Variants in RBM27 observed in about 807,000 individuals in gnomAD.
RBM27 encodes the protein RNA binding motif protein 27.
Under a neutral mutation model 135.3 loss-of-function variants are expected in RBM27, and 22 were observed. That is an observed-to-expected ratio of 0.16 (90% CI 0.12 to 0.23). RBM27 has a LOEUF of 0.23. Among genes scored for constraint, RBM27 ranks in the 10% least tolerant of loss-of-function variants. The probability of loss-of-function intolerance (pLI) is 1.00; values close to 1 mark genes in which losing one functional copy is unlikely to be tolerated. For synonymous variants in RBM27, 481 were observed against 442.4 expected, an observed-to-expected ratio of 1.09 and a Z score of -1.10; for missense variants, 1,009 against 1,281.0, an observed-to-expected ratio of 0.79 and a Z score of 3.24.
chr5:146,235,033 AAAATAAATAAATAAATAAAT>A (rs59434635), intron 7 of RBM27, among the ~76,000 whole-genome samples: 4 of 139,462 alleles, frequency 2.9e-5, no homozygotes, highest in Non-Finnish European at 6.1e-5. Flanking sequence ...CCCTGTCTCA[AAAATAAATAAATAAATAAAT>A]AAATAAATAA....
intron 11 of RBM27, among the ~76,000 whole-genome samples, chr5:146,259,922 G>A (rs993919808): frequency 2.2e-5 from 3 of 139,064 alleles, no homozygotes; most frequent in African/African-American, 8.5e-5. Context: ...GCAGTGAGCC[G>A]AGATTGCGCC....
At chr5:146,261,395 G>A in intron 12 of RBM27, 115 bp from the exon 13 acceptor site, 1 of 871,964 alleles carries the variant, frequency 1.1e-6, no homozygotes, top group Non-Finnish European at 1.8e-6. Context: ...TAATGTTGGA[G>A]TTTAGGGCTT....
At chr5:146,250,770 C>CTTTTTTTTTTTTTT (rs58027855) in intron 8 of RBM27, among the ~76,000 whole-genome samples, 5 of 72,646 alleles carry the variant, frequency 6.9e-5, no homozygotes, top group Admixed American at 2.3e-4. Flanking sequence ...TTTTTTTGTC[C>CTTTTTTTTTTTTTT]TTTTTTTTTT....
chr5:146,268,962 T>C (rs1377264557), intron 15 of RBM27, among the ~76,000 whole-genome samples: 1 of 152,214 alleles, frequency 6.6e-6, no homozygotes, highest in Non-Finnish European at 1.5e-5. Flanking sequence ...GACATTCAGG[T>C]CATTCAAGTC....
chr5:146,215,103 G>A (rs1756132894), intron 1 of RBM27, among the ~76,000 whole-genome samples: 1 of 152,156 alleles, frequency 6.6e-6, no homozygotes, highest in Non-Finnish European at 1.5e-5. Context: ...AGGCTGGAGT[G>A]CACTGGCGTG....
At chr5:146,253,694 G>A (rs1297970614) in intron 9 of RBM27, among the ~76,000 whole-genome samples, 2 of 152,158 alleles carry the variant, frequency 1.3e-5, no homozygotes, top group Non-Finnish European at 2.9e-5. Context: ...GCTTCTGGAT[G>A]TTTTGTGCAA....
chr5:146,245,768 A>G (rs1757599789), intron 8 of RBM27, among the ~76,000 whole-genome samples: 1 of 152,164 alleles, frequency 6.6e-6, no homozygotes, highest in Non-Finnish European at 1.5e-5. Flanking sequence ...GCGCATATGA[A>G]GGATCTGAGT....
At chr5:146,236,202 A>T (rs183377583) in intron 7 of RBM27, among the ~76,000 whole-genome samples, 10 of 152,330 alleles carry the variant, frequency 6.6e-5, no homozygotes, top group Non-Finnish European at 1.3e-4. Flanking sequence ...ACAAATAGGA[A>T]AGTTGAAGGA....
intron 1 of RBM27, among the ~76,000 whole-genome samples, chr5:146,212,065 G>A (rs1411893873): frequency 6.6e-6 from 1 of 150,750 alleles, no homozygotes; most frequent in Non-Finnish European, 1.5e-5. Flanking sequence ...TATTGTTCCC[G>A]CCACCCCCGA....
chr5:146,210,683 C>A (rs1241793524), intron 1 of RBM27, among the ~76,000 whole-genome samples: 1 of 152,166 alleles, frequency 6.6e-6, no homozygotes, highest in Non-Finnish European at 1.5e-5. Context: ...CACGGTGGCT[C>A]ATGCCTGTAA....
intron 8 of RBM27, among the ~76,000 whole-genome samples, chr5:146,237,876 C>T (rs551982094): frequency 6.6e-5 from 10 of 152,108 alleles, no homozygotes; most frequent in South Asian, 2.1e-4. Flanking sequence ...TTAGTAGAGA[C>T]GGGGTTTCAC....
intron 8 of RBM27, among the ~76,000 whole-genome samples, chr5:146,243,857 A>G (rs961602111): frequency 6.6e-6 from 1 of 152,180 alleles, no homozygotes; most frequent in African/African-American, 2.4e-5. Context: ...AAACACAGAA[A>G]AACGAAATCT....
In RBM27 at chr5:146,203,648, T is replaced by A. The variant is rs1246284434; in HGVS notation, c.-118T>A. 11 of 949,162 alleles carry A rather than the reference T, an allele frequency of 1.2e-5. No individual in the cohort carries two copies. The highest frequency in any genetic ancestry group is 1.6e-5 in the Non-Finnish European group (10 of 610,392). 58.8% of individuals were successfully genotyped at this position (949,162 alleles called of 1,614,324 possible). ...GCCGGGGGAGTAGGTTGAAGTCTCCTAAGATGCCCGGTGGGCTGGGGCACC... is the reference window on the plus strand; with the variant it reads ...GCCGGGGGAGTAGGTTGAAGTCTCCAAAGATGCCCGGTGGGCTGGGGCACC... On this transcript the variant is annotated 5_prime_UTR_variant, in exon 1 of 21. Transcript: ENST00000265271.
intron 1 of RBM27, among the ~76,000 whole-genome samples, chr5:146,204,112 A>C (rs1755520409): frequency 6.6e-6 from 1 of 152,196 alleles, no homozygotes; most frequent in Non-Finnish European, 1.5e-5. Context: ...AGGGGCCGTG[A>C]GGGAATTTAA....
chr5:146,263,921 A>C (rs901441264), intron 14 of RBM27, among the ~76,000 whole-genome samples: 3 of 151,474 alleles, frequency 2.0e-5, no homozygotes, highest in Non-Finnish European at 2.9e-5. Context: ...CCTGGCCAAA[A>C]TGGCGAAACC....
At chr5:146,284,798 A>G (rs925886927) in intron 20 of RBM27, 66 bp downstream of exon 20, 5 of 947,234 alleles carry the variant, frequency 5.3e-6, no homozygotes, top group African/African-American at 3.4e-5. Context: ...TTTTTATGAT[A>G]TTAAATAGTA....
At position 146,255,602 on chromosome 5, in the gene RBM27, C is replaced by G. The variant is rs1026932919; in HGVS notation, c.1594+510C>G. On this transcript the variant is annotated intron_variant, in intron 10 of 20. Transcript: ENST00000265271. Reference sequence around the variant, plus strand: ...TTAGGAATAAACCTTAAAAATGAAACAAAACCAAGATTAAATGCAAGCATT... The same window carrying G: ...TTAGGAATAAACCTTAAAAATGAAAGAAAACCAAGATTAAATGCAAGCATT... 3.9e-5 allele frequency among the ~76,000 whole-genome samples: 6 copies of G among 152,094 alleles called. No homozygotes were observed. In the South Asian group the frequency reaches 1.2e-3, roughly 32 times the overall value.
At position 146,271,565 on chromosome 5, in the gene RBM27, G is replaced by C. The variant is rs1317409518; in HGVS notation, c.2879G>C (p.Gly960Ala). 1.2e-6 allele frequency: 2 copies of C among 1,613,600 alleles called. No individual in the cohort carries two copies. Among genetic ancestry groups the C allele is most frequent in the Admixed American group, 3.3e-5 (2 of 60,022 alleles). Residue 960 changes from glycine (G) to alanine (A), a missense_variant, in exon 19 of 21, where the codon GGA becomes GCA. Physicochemically the swap from Gly to Ala is moderately conservative, Grantham distance 60 (BLOSUM62 0). Around this residue, in one of 6 missense-constraint regions of RBM27, gnomAD observed 355 missense variants for 427.3 expected, o/e 0.83. Transcript: ENST00000265271. The stretch of plus-strand genomic sequence containing the variant: ...CGAGGAAGAGGCCGAGGGCGTGGAG[G>C]AAGAGGAAGGGGCTCACTAAATCAC... ...QGRGRGRGRGGRGRGSLNHMV... is the reference protein window; with the variant it reads ...QGRGRGRGRGARGRGSLNHMV...
chr5:146,220,165 A>G (rs1031408567), intron 2 of RBM27, among the ~76,000 whole-genome samples: 4 of 152,048 alleles, frequency 2.6e-5, no homozygotes, highest in East Asian at 1.9e-4. Context: ...TACTTGGTAC[A>G]TGGAAGATGT....
Sources: allele counts gnomAD v4.1 joint callset (sites outside exome capture counted in the v4.1 genomes callset), GRCh38; gene constraint gnomAD v4.1.1; regional missense constraint gnomAD v4.1.1; transcripts MANE v1.5; gene names NCBI Gene and HGNC (gene_info 2026-07-23, HGNC 2026-07-21).